Variants in SLC10A7 observed in about 807,000 individuals in gnomAD.
SLC10A7 encodes solute carrier family 10 member 7, also known as sodium/bile acid cotransporter 7.
Under a neutral mutation model 43.2 loss-of-function variants are expected in SLC10A7, and 29 were observed. That is an observed-to-expected ratio of 0.67 (90% CI 0.50 to 0.92). SLC10A7 has a LOEUF of 0.92. SLC10A7 is among the 40% of genes least tolerant of loss of function. SLC10A7 has a pLI of 0.00. For synonymous variants in SLC10A7, 152 were observed against 144.8 expected (o/e 1.05, Z -0.35); for missense variants, 295 against 403.2 (o/e 0.73, Z 2.30).
chr4:146,361,069 T>G (rs1409441907), intron 5 of SLC10A7, among the ~76,000 whole-genome samples: 1 of 152,110 alleles, frequency 6.6e-6, no homozygotes, highest in Non-Finnish European at 1.5e-5. Context: ...TAGAATGGAT[T>G]AAAGTCTTTA....
intron 6 of SLC10A7, among the ~76,000 whole-genome samples, chr4:146,322,364 T>TCCCCCCCCCC (rs34494809): frequency 1.9e-5 from 2 of 102,608 alleles, no homozygotes; most frequent in Non-Finnish European, 3.8e-5. Context: ...ATGCTATCCC[T>TCCCCCCCCCC]CCCCCCTCCC....
At position 146,441,624 on chromosome 4, in the gene SLC10A7, T is replaced by TAAAAA. The variant is rs1346567875; in HGVS notation, c.435+1158_435+1159insTTTTT. The TAAAAA allele has an allele frequency of 6.8e-6, 6 of 879,308 alleles. No individual in the cohort carries two copies. In the Admixed American group the frequency reaches 3.7e-4, roughly 54 times the overall value. 54.5% of individuals were successfully genotyped at this position (879,308 alleles called of 1,614,324 possible). On this transcript the variant is annotated intron_variant, in intron 5 of 11. Transcript: ENST00000335472. Reference sequence around the variant, plus strand: ...TACTTGGACTCATGAAATAATGACTTAAAATATTACTGAGTCTAAACTAAG... The same window carrying TAAAAA: ...TACTTGGACTCATGAAATAATGACTTAAAAAAAAATATTACTGAGTCTAAACTAAG...
rs190377317 is a variant in SLC10A7 at position 146,298,021 on chromosome 4, C to T, written c.556-3926G>A. ...CTAGGGAGGTGGCTGAGTAGGACTA[C>T]GACCCCTATTTCCTGAGGGAACCAT... On this transcript the variant is annotated intron_variant, in intron 7 of 11. Coordinates refer to ENST00000335472, the MANE Select transcript of SLC10A7 (RefSeq NM_001029998.6). Among the ~76,000 whole-genome samples, 116 of 152,284 alleles carry T rather than the reference C, an allele frequency of 7.6e-4. 2 individuals carry two copies. In the East Asian group the frequency reaches 0.02, roughly 26 times the overall value.
chr4:146,333,720 G>C (rs768114987), intron 5 of SLC10A7, among the ~76,000 whole-genome samples: 2 of 152,102 alleles, frequency 1.3e-5, no homozygotes, highest in Admixed American at 6.6e-5. Context: ...AGGAGTTTGG[G>C]CTTCACTTCA....
Position 146,457,576 on chromosome 4 carries a change from C to T in SLC10A7, c.397-14755G>A, listed in dbSNP as rs148570340. 5.4e-4 allele frequency among the ~76,000 whole-genome samples: 82 copies of T among 151,936 alleles called. No homozygotes were observed. The East Asian group carries it at 0.015, about 28-fold the overall frequency. On this transcript the variant is annotated intron_variant, in intron 4 of 11. Transcript: ENST00000335472. Reference sequence around the variant, plus strand: ...AAAAACTTTCAGCAAGCCTGATTTGCCCTGCAAACCACAGTTTGTTCATCC... The same window carrying T: ...AAAAACTTTCAGCAAGCCTGATTTGTCCTGCAAACCACAGTTTGTTCATCC...
intron 10 of SLC10A7, among the ~76,000 whole-genome samples, chr4:146,274,832 G>A (rs538200034): frequency 2.0e-5 from 3 of 152,224 alleles, no homozygotes; most frequent in East Asian, 1.9e-4. Flanking sequence ...ATATTCTTTT[G>A]GCTGATGATG....
chr4:146,319,617 T>A (rs930188735), intron 6 of SLC10A7, among the ~76,000 whole-genome samples: 4 of 152,054 alleles, frequency 2.6e-5, no homozygotes, highest in African/African-American at 9.7e-5. Context: ...GGATGGTGTC[T>A]GGCATGCAGA....
At chr4:146,321,500 G>T (rs1732703803) in intron 6 of SLC10A7, among the ~76,000 whole-genome samples, 2 of 152,066 alleles carry the variant, frequency 1.3e-5, no homozygotes, top group Non-Finnish European at 2.9e-5. Context: ...ACCACATTCT[G>T]ATATACTTGG....
chr4:146,455,737 G>A (rs1433470276), intron 4 of SLC10A7, among the ~76,000 whole-genome samples: 1 of 151,910 alleles, frequency 6.6e-6, no homozygotes, highest in South Asian at 2.1e-4. Context: ...CACAGATGGT[G>A]TCTACCTATC....
chr4:146,324,241 A>C (rs1451747546), intron 6 of SLC10A7, among the ~76,000 whole-genome samples: 1 of 152,216 alleles, frequency 6.6e-6, no homozygotes, highest in African/African-American at 2.4e-5. Flanking sequence ...GAAAATGGCC[A>C]TATTGCCCAA....
chr4:146,373,722 C>T (rs1396091559), intron 5 of SLC10A7, among the ~76,000 whole-genome samples: 1 of 152,092 alleles, frequency 6.6e-6, no homozygotes, highest in Non-Finnish European at 1.5e-5. Context: ...TACTAATATC[C>T]AAACTTTCAT....
At chr4:146,290,902 C>A (rs529982368) in intron 9 of SLC10A7, among the ~76,000 whole-genome samples, 1 of 152,140 alleles carries the variant, frequency 6.6e-6, no homozygotes, top group African/African-American at 2.4e-5. Flanking sequence ...AAACAAAAAC[C>A]CTGACAGAAC....
intron 5 of SLC10A7, among the ~76,000 whole-genome samples, chr4:146,361,183 C>T (rs1325553549): frequency 6.6e-6 from 1 of 152,116 alleles, no homozygotes; most frequent in Admixed American, 6.5e-5. Flanking sequence ...GGAAGCAGGG[C>T]AATCTATCTT....
intron 4 of SLC10A7, among the ~76,000 whole-genome samples, chr4:146,500,988 C>T (rs1298084371): frequency 6.6e-6 from 1 of 152,152 alleles, no homozygotes; most frequent in Non-Finnish European, 1.5e-5. Context: ...ACATGGCTTC[C>T]AGGACACCTG....
chr4:146,505,834 T>C (rs889530273), intron 3 of SLC10A7, among the ~76,000 whole-genome samples: 14 of 152,354 alleles, frequency 9.2e-5, no homozygotes, highest in African/African-American at 3.4e-4. Flanking sequence ...GACACTATTC[T>C]AAACACTTTA....
At chr4:146,424,073 A>G (rs1729141968) in intron 5 of SLC10A7, among the ~76,000 whole-genome samples, 1 of 152,216 alleles carries the variant, frequency 6.6e-6, no homozygotes, top group Non-Finnish European at 1.5e-5. Flanking sequence ...TTAAATAGAG[A>G]CAAGATCTCC....
intron 5 of SLC10A7, among the ~76,000 whole-genome samples, chr4:146,327,779 CA>C (rs1244643447): frequency 3.3e-5 from 5 of 152,206 alleles, no homozygotes; most frequent in African/African-American, 1.2e-4. Context: ...GCGCATTGTC[CA>C]GGGGCCTGAG....
chr4:146,467,725 A>G (rs1733172280), intron 4 of SLC10A7, among the ~76,000 whole-genome samples: 1 of 151,688 alleles, frequency 6.6e-6, no homozygotes, highest in African/African-American at 2.4e-5. Context: ...AACATGCCCA[A>G]CTAATTTCTG....
At chr4:146,287,086 CGAGTGGTGAGAAGGACCGAGTCTG>C (rs1560764746) in intron 9 of SLC10A7, among the ~76,000 whole-genome samples, 2 of 31,754 alleles carry the variant, frequency 6.3e-5, no homozygotes, top group Non-Finnish European at 1.2e-4. Flanking sequence ...GACTGTGTTT[CGAGTGGTGAGAAGGACCGAGTCTG>C]GAGTGGTGAG....
Sources: allele counts gnomAD v4.1 joint callset (sites outside exome capture counted in the v4.1 genomes callset), GRCh38; gene constraint gnomAD v4.1.1; transcripts MANE v1.5; gene names NCBI Gene and HGNC (gene_info 2026-07-23, HGNC 2026-07-21).